The following NAA15 variants were observed in gnomAD, a reference collection of about 807,000 sequenced individuals.
NAA15 encodes the protein N-alpha-acetyltransferase 15, NatA auxiliary subunit.
NAA15 carries 34 observed loss-of-function variants against 114.0 expected under a neutral mutation model. The observed-to-expected ratio is 0.30, with a 90% CI of 0.23 to 0.40. NAA15 has a LOEUF of 0.40. Ranked by LOEUF, NAA15 falls within the 10% of genes least tolerant of loss-of-function variation. The pLI is 1.00. For synonymous variants in NAA15, 340 were observed against 338.0 expected (o/e 1.01, Z -0.06); for missense variants, 658 against 1,004.5 (o/e 0.66, Z 4.66).
chr4:139,360,905 G>C (rs1350821179), intron 13 of NAA15, among the ~76,000 whole-genome samples: 4 of 152,076 alleles, frequency 2.6e-5, no homozygotes, highest in Non-Finnish European at 4.4e-5. Flanking sequence ...AATTGCTGCT[G>C]CCGCTTTAGT....
At chr4:139,332,639 G>A (rs538900994) in intron 1 of NAA15, among the ~76,000 whole-genome samples, 9 of 139,460 alleles carry the variant, frequency 6.5e-5, no homozygotes, top group African/African-American at 2.2e-4. Flanking sequence ...CTGGAGTGTG[G>A]TGGTGCGATC....
At chr4:139,345,520 C>CT (rs1747550238) in intron 6 of NAA15, among the ~76,000 whole-genome samples, 1 of 152,150 alleles carries the variant, frequency 6.6e-6, no homozygotes, top group African/African-American at 2.4e-5. Context: ...GGACTCAGAG[C>CT]TGACCAGTGG....
At chr4:139,358,645 A>G (rs1487085586) in intron 11 of NAA15, among the ~76,000 whole-genome samples, 3 of 152,200 alleles carry the variant, frequency 2.0e-5, no homozygotes, top group African/African-American at 7.2e-5. Context: ...AGCACTTTTT[A>G]AAACTAGATT....
At chr4:139,348,683 GTC>G (rs1007137019) in intron 6 of NAA15, among the ~76,000 whole-genome samples, 1 of 152,134 alleles carries the variant, frequency 6.6e-6, no homozygotes, top group African/African-American at 2.4e-5. Flanking sequence ...TGAAACCACT[GTC>G]TCTCTCTCTT....
chr4:139,354,307 G>A (rs1486942649), intron 10 of NAA15, among the ~76,000 whole-genome samples: 2 of 151,932 alleles, frequency 1.3e-5, no homozygotes, highest in African/African-American at 2.4e-5. Context: ...TTGTGTTTTG[G>A]GTTTTTTTTG....
intron 1 of NAA15, among the ~76,000 whole-genome samples, chr4:139,310,664 C>T (rs1006290688): frequency 6.6e-6 from 1 of 151,566 alleles, no homozygotes; most frequent in Non-Finnish European, 1.5e-5. Flanking sequence ...TGTCACTCAG[C>T]CTAGCATGCA....
Position 139,340,928 on chromosome 4 carries a change from C to T in NAA15, c.261C>T (p.Gly87=), listed in dbSNP as rs57269359. 3 of 1,579,590 alleles carry T rather than the reference C, an allele frequency of 1.9e-6. No homozygotes were observed. Among genetic ancestry groups the T allele is most frequent in the Non-Finnish European group, 2.6e-6 (3 of 1,166,444 alleles). ...ATTCTTTAGGTTGGCACGTTTATGGCCTTCTTCAGAGGTCAGACAAGAAGT... is the reference window on the plus strand; with the variant it reads ...ATTCTTTAGGTTGGCACGTTTATGGTCTTCTTCAGAGGTCAGACAAGAAGT... The part of the protein sequence containing the change: ...LKSHVCWHVY[G]LLQRSDKKYD... Residue 87 remains glycine, a synonymous_variant, in exon 4 of 20, where the codon GGC becomes GGT. Coordinates refer to ENST00000296543, the MANE Select transcript of NAA15 (RefSeq NM_057175.5).
chr4:139,326,455 TC>T lies in NAA15; in HGVS notation c.55-7718del, dbSNP rs1312596179. On this transcript the variant is annotated intron_variant, in intron 1 of 19. Coordinates refer to ENST00000296543, the MANE Select transcript of NAA15 (RefSeq NM_057175.5). ...TTGTTAAGTGTTTTACATGTCTTTT[TC>T]TCATGATTGCTCTCCATGATTTAAG... is the stretch of plus-strand genomic sequence containing the variant. Among the ~76,000 whole-genome samples, 4 of 152,338 alleles carry T rather than the reference TC, an allele frequency of 2.6e-5. No homozygotes were observed. The East Asian group carries it at 7.7e-4, about 29-fold the overall frequency.
intron 3 of NAA15, among the ~76,000 whole-genome samples, chr4:139,339,043 TG>T (rs1293177329): frequency 1.3e-5 from 2 of 152,060 alleles, no homozygotes; most frequent in African/African-American, 2.4e-5. Context: ...ACTCGTGACT[TG>T]AAGTGATCCA....
intron 6 of NAA15, among the ~76,000 whole-genome samples, chr4:139,345,438 A>G (rs1747548789): frequency 1.3e-5 from 2 of 152,242 alleles, no homozygotes; most frequent in African/African-American, 2.4e-5. Flanking sequence ...AATAAATGAC[A>G]AATTATTTCA....
rs186600408 is a variant in NAA15 at position 139,372,038 on chromosome 4, C to T, written c.1947+1634C>T. 8.5e-3 allele frequency among the ~76,000 whole-genome samples: 1,294 copies of T among 152,254 alleles called. 20 individuals carry two copies. The highest frequency in any genetic ancestry group is 0.03 in the African/African-American group (1,238 of 41,552). The stretch of plus-strand genomic sequence containing the variant: ...TCACGCCATTCTCCTGCCTCAGCCT[C>T]CCAAGTAGCTGGGACTACAGGCGCC... On this transcript the variant is annotated intron_variant, in intron 15 of 19. Coordinates refer to ENST00000296543, the MANE Select transcript of NAA15 (RefSeq NM_057175.5).
chr4:139,368,182 TA>T (rs1748337306), intron 14 of NAA15, among the ~76,000 whole-genome samples: 1 of 152,238 alleles, frequency 6.6e-6, no homozygotes, highest in African/African-American at 2.4e-5. Flanking sequence ...ATAGCAGCTT[TA>T]AATAGCAACC....
At chr4:139,385,347 T>C (rs1299136181) in intron 18 of NAA15, among the ~76,000 whole-genome samples, 3 of 145,470 alleles carry the variant, frequency 2.1e-5, no homozygotes. Flanking sequence ...TTTAATTTCT[T>C]ACGGCAAAAT....
chr4:139,328,538 T>C (rs1746882329), intron 1 of NAA15, among the ~76,000 whole-genome samples: 1 of 151,562 alleles, frequency 6.6e-6, no homozygotes, highest in South Asian at 2.1e-4. Flanking sequence ...ATTTTCTTTT[T>C]TCCTTTTCCT....
chr4:139,351,078 C>A, intron 7 of NAA15, 113 bp from the exon 8 acceptor site: 1 of 497,936 alleles, frequency 2.0e-6, no homozygotes, highest in Non-Finnish European at 3.5e-6. Context: ...ACAAATAATT[C>A]CAATTTTCTT....
At chr4:139,381,476 T>G (rs1470933422) in intron 17 of NAA15, among the ~76,000 whole-genome samples, 2 of 152,092 alleles carry the variant, frequency 1.3e-5, no homozygotes, top group Non-Finnish European at 2.9e-5. Flanking sequence ...TCTGCAGATA[T>G]GTTTTTTATA....
At chr4:139,350,727 GAT>G (rs1747750992) in intron 7 of NAA15, among the ~76,000 whole-genome samples, 1 of 152,234 alleles carries the variant, frequency 6.6e-6, no homozygotes, top group Non-Finnish European at 1.5e-5. Context: ...AGGAATCTAA[GAT>G]AGACGTAATT....
chr4:139,311,318 T>C lies in NAA15; in HGVS notation c.54+9487T>C, dbSNP rs982900150. 2.0e-5 allele frequency among the ~76,000 whole-genome samples: 3 copies of C among 152,010 alleles called. 1 individual carries two copies. The highest frequency in any genetic ancestry group is 2.0e-4 in the Admixed American group (3 of 15,256). Reference sequence around the variant, plus strand: ...AAAATGATGTACCATAGTAGATGTTTAATAAATATTTGTTATGTGAAGTGA... The same window carrying C: ...AAAATGATGTACCATAGTAGATGTTCAATAAATATTTGTTATGTGAAGTGA... On this transcript the variant is annotated intron_variant, in intron 1 of 19. Transcript: ENST00000296543.
chr4:139,309,862 T>C (rs754734668), intron 1 of NAA15, among the ~76,000 whole-genome samples: 19 of 152,332 alleles, frequency 1.2e-4, no homozygotes, highest in South Asian at 6.2e-4. Flanking sequence ...CTGAATTTAA[T>C]GTTCCATTTT....
Sources: gnomAD v4.1 joint callset for allele counts (sites outside exome capture counted in the v4.1 genomes callset) on GRCh38, gnomAD v4.1.1 for gene constraint, MANE v1.5 for transcripts, NCBI Gene and HGNC (gene_info 2026-07-23, HGNC 2026-07-21) for gene names.